Variants in ITIH6 observed in about 807,000 individuals in gnomAD.
ITIH6 encodes the protein inter-alpha-trypsin inhibitor heavy chain family member 6.
In ITIH6, 60 loss-of-function variants were observed where a neutral mutation model predicts 58.2. That is an observed-to-expected ratio of 1.03 (90% CI 0.84 to 1.28). ITIH6 has a LOEUF of 1.28. ITIH6 is among the 50% of genes most tolerant of loss of function. ITIH6 has a pLI of 0.00. For synonymous variants in ITIH6, 493 were observed against 417.4 expected (o/e 1.18, Z -2.21); for missense variants, 1,290 against 1,021.1 (o/e 1.26, Z -3.59).
chrX:54,760,978 G>A (rs1928629160), intron 6 of ITIH6, among the ~76,000 whole-genome samples: 1 of 111,614 alleles, frequency 9.0e-6, no homozygotes, highest in Admixed American at 9.5e-5. Flanking sequence ...GGGTCAAATG[G>A]TATTTCTAGT....
chrX:54,760,190 T>A, intron 6 of ITIH6, among the ~76,000 whole-genome samples: 1 of 111,760 alleles, frequency 8.9e-6, no homozygotes, highest in African/African-American at 3.3e-5. Context: ...TAAAGAAAAA[T>A]TCAAACATTT....
At chrX:54,750,841 A>G (rs1028258752) in intron 12 of ITIH6, among the ~76,000 whole-genome samples, 162 bp downstream of exon 12, 1 of 111,827 alleles carries the variant, frequency 8.9e-6, no homozygotes, top group Non-Finnish European at 1.9e-5. Flanking sequence ...TGTGTTCACT[A>G]TCCATATCTG....
rs1929328873 is a variant in ITIH6 at position 54,790,733 on chromosome X, A to G, written c.616+104T>C. On this transcript the variant is annotated intron_variant, in intron 4 of 12. Coordinates refer to ENST00000218436, the MANE Select transcript of ITIH6 (RefSeq NM_198510.3). Reference sequence around the variant, plus strand: ...TGAATCAGGAAGGAACTTGGCAGTGAGTACAGAGCAGAAGTGGCACTAGAG... The same window carrying G: ...TGAATCAGGAAGGAACTTGGCAGTGGGTACAGAGCAGAAGTGGCACTAGAG... 5 of 997,298 alleles carry G rather than the reference A, an allele frequency of 5.0e-6. No individual in the cohort carries two copies. The Admixed American group carries it at 1.2e-4, about 24-fold the overall frequency. The allele number at this position is 997,298 out of a possible 1,213,427, so 82.2% of individuals were successfully genotyped here. A position where few individuals can be genotyped will look rare whatever the true frequency, so the allele number is the denominator to read the frequency against.
rs1251705673 is a variant in ITIH6, at chrX:54,761,360, G to A, written c.904-1433C>T. Reference sequence around the variant, plus strand: ...TAGCCCTTTGTCAGATGAATAGATTGCAAAAATTTTCTCCCATTTTGTAGG... The same window carrying A: ...TAGCCCTTTGTCAGATGAATAGATTACAAAAATTTTCTCCCATTTTGTAGG... On this transcript the variant is annotated intron_variant, in intron 6 of 12. Coordinates refer to ENST00000218436, the MANE Select transcript of ITIH6 (RefSeq NM_198510.3). 2.7e-5 allele frequency among the ~76,000 whole-genome samples: 3 copies of A among 111,431 alleles called. No individual in the cohort carries two copies. The East Asian group carries it at 8.4e-4, about 31-fold the overall frequency.
chrX:54,772,808 T>G (rs1486029662), intron 6 of ITIH6, among the ~76,000 whole-genome samples: 1 of 112,299 alleles, frequency 8.9e-6, no homozygotes, highest in Non-Finnish European at 1.9e-5. Flanking sequence ...TCTTGCTGTG[T>G]TGCCCCAGCT....
chrX:54,758,035 T>C lies in ITIH6; in HGVS notation c.2039A>G (p.Lys680Arg), dbSNP rs774759247. Reference sequence around the variant, plus strand: ...CTCCAGCTCTTTGGAACTTAGCATCTTCTTGGTAGAGGCAGTAGTAGTTGA... The same window carrying C: ...CTCCAGCTCTTTGGAACTTAGCATCCTCTTGGTAGAGGCAGTAGTAGTTGA... Reference protein sequence around the residue: ...LSSTTTASTKKMLSSKELEPL... With the variant: ...LSSTTTASTKRMLSSKELEPL... The change falls in exon 8 of 13, where the codon AAG (lysine) becomes AGG (arginine). Residue 680 changes from lysine (K) to arginine (R), a missense_variant. Physicochemically the swap from Lys to Arg is conservative, Grantham distance 26. Coordinates refer to ENST00000218436, the MANE Select transcript of ITIH6 (RefSeq NM_198510.3). The C allele has an allele frequency of 8.3e-7, 1 of 1,211,603 alleles. No homozygotes were observed. Among genetic ancestry groups the C allele is most frequent in the East Asian group, 3.0e-5 (1 of 33,849 alleles).
chrX:54,786,849 G>A (rs1357346399), intron 5 of ITIH6, among the ~76,000 whole-genome samples: 2 of 111,519 alleles, frequency 1.8e-5, no homozygotes, highest in African/African-American at 3.3e-5. Flanking sequence ...GGTTCCCAAC[G>A]TTGGCCAACT....
intron 6 of ITIH6, among the ~76,000 whole-genome samples, chrX:54,768,342 T>C (rs1344304219): frequency 7.1e-5 from 6 of 84,151 alleles, no homozygotes; most frequent in African/African-American, 3.0e-4. Context: ...TGACTCTTTA[T>C]CCAACTTGCC....
At chrX:54,776,052 C>T (rs1374674564) in intron 5 of ITIH6, among the ~76,000 whole-genome samples, 1 of 111,325 alleles carries the variant, frequency 9.0e-6, no homozygotes, top group Non-Finnish European at 1.9e-5. Flanking sequence ...GCCAACACCA[C>T]GCCTACCCCA....
At position 54,757,645 on chromosome X, in the gene ITIH6, G is replaced by C. The variant is rs1317409884; in HGVS notation, c.2429C>G (p.Pro810Arg). The change falls in exon 8 of 13, where the codon CCT (proline) becomes CGT (arginine). Residue 810 changes from proline to arginine, a missense_variant. Transcript: ENST00000218436. The stretch of plus-strand genomic sequence containing the variant: ...GGGAACCTGAAGTGTAGAGACTCCA[G>C]GTCTTGACTGTGGCAGGCCTTTAGG... ...QAPKGLPQSR[P>R]GVSTLQVPKY... 34 of 1,209,034 alleles carry C rather than the reference G, an allele frequency of 2.8e-5. No homozygotes were observed. Among genetic ancestry groups the C allele is most frequent in the Non-Finnish European group, 3.6e-5 (32 of 894,921 alleles).
intron 11 of ITIH6, among the ~76,000 whole-genome samples, chrX:54,751,686 T>A (rs971376667): frequency 1.8e-5 from 2 of 112,138 alleles, no homozygotes; most frequent in Non-Finnish European, 3.8e-5. Context: ...TATCAGTACA[T>A]CTGCATGTTT....
At chrX:54,760,592 C>A (rs1164435670) in intron 6 of ITIH6, among the ~76,000 whole-genome samples, 1 of 111,494 alleles carries the variant, frequency 9.0e-6, no homozygotes, top group East Asian at 2.8e-4. Flanking sequence ...TTCCCCCCGC[C>A]CCATGCTACA....
At position 54,757,518 on chromosome X, in the gene ITIH6, G is replaced by A. The variant is rs779799336; in HGVS notation, c.2556C>T (p.Ile852=). The A allele has an allele frequency of 2.5e-5, 30 of 1,210,826 alleles. No individual in the cohort carries two copies. The highest frequency in any genetic ancestry group is 3.4e-5 in the Non-Finnish European group (30 of 895,180). The change falls in exon 8 of 13, where the codon ATC becomes ATT. Residue 852 remains isoleucine, a synonymous_variant. Transcript: ENST00000218436. ...GGGCACTCGGTTTAAGAGATAATAA[G>A]ATTTTAGGGGTCTTGGACAAGAGGA... ...PGILLSKTPK[I]LLSLKPSAPP... is the part of the protein sequence containing the mutation.
intron 7 of ITIH6, among the ~76,000 whole-genome samples, chrX:54,759,460 A>G (rs767372870): frequency 8.9e-6 from 1 of 111,958 alleles, no homozygotes; most frequent in Non-Finnish European, 1.9e-5. Context: ...ATAAATATCT[A>G]GATTATTGAT....
intron 6 of ITIH6, among the ~76,000 whole-genome samples, chrX:54,766,143 T>G (rs1158474750): frequency 5.4e-5 from 6 of 110,986 alleles, no homozygotes; most frequent in Non-Finnish European, 1.1e-4. Flanking sequence ...TATTTCATTC[T>G]CTTTGAAGCA....
intron 6 of ITIH6, among the ~76,000 whole-genome samples, chrX:54,769,913 C>T (rs1191565328): frequency 4.8e-5 from 5 of 104,525 alleles, no homozygotes; most frequent in Non-Finnish European, 9.8e-5. Context: ...CCACCCAGTT[C>T]GAGCTTCCCG....
Position 54,757,582 on chromosome X carries a change from G to T in ITIH6, c.2492C>A (p.Pro831His). ...PLHTRPRVPA[P>H]KTRNNMPHLG... ...GTGTGGCATGTTGTTTCGGGTCTTG[G>T]GAGCAGGAACCCTAGGTCTGGTGTG... The change falls in exon 8 of 13, where the codon CCC becomes CAC. Residue 831 changes from proline (P) to histidine (H), a missense_variant. Transcript: ENST00000218436. 2 of 1,210,986 alleles carry T rather than the reference G, an allele frequency of 1.7e-6. No homozygotes were observed. Among genetic ancestry groups the T allele is most frequent in the Admixed American group, 2.2e-5 (1 of 45,990 alleles).
chrX:54,775,942 A>T (rs1000287836), intron 5 of ITIH6, among the ~76,000 whole-genome samples: 1 of 112,201 alleles, frequency 8.9e-6, no homozygotes, highest in African/African-American at 3.2e-5. Flanking sequence ...CCATCTACAC[A>T]CAAATAAGCA....
rs901244476 is a variant in ITIH6 at position 54,749,881 on chromosome X, G to A, written c.*14C>T. On this transcript the variant is annotated 3_prime_UTR_variant, in exon 13 of 13. Coordinates refer to ENST00000218436, the MANE Select transcript of ITIH6 (RefSeq NM_198510.3). ...CCCAAATTCAGGTCTCCTGGCTCTGGAATTCAGAAGCCATCACAGGACATA... is the reference window on the plus strand; with the variant it reads ...CCCAAATTCAGGTCTCCTGGCTCTGAAATTCAGAAGCCATCACAGGACATA... 1.7e-6 allele frequency: 2 copies of A among 1,188,870 alleles called. No individual in the cohort carries two copies. Among genetic ancestry groups the A allele is most frequent in the Non-Finnish European group, 2.3e-6 (2 of 881,423 alleles).
Sources: gnomAD v4.1 joint callset for allele counts (sites outside exome capture counted in the v4.1 genomes callset) on GRCh38, gnomAD v4.1.1 for gene constraint, MANE v1.5 for transcripts, NCBI Gene and HGNC (gene_info 2026-07-23, HGNC 2026-07-21) for gene names.